The following TSHZ2 variants were observed in gnomAD, a reference collection of about 807,000 sequenced individuals.
TSHZ2 encodes teashirt zinc finger homeobox 2.
A neutral mutation model predicts 74.4 loss-of-function variants in TSHZ2; 21 were observed. The ratio of observed to expected loss-of-function variants is 0.28; its 90% CI spans 0.20 to 0.41. The LOEUF (loss-of-function observed/expected upper bound fraction) is 0.41. Among genes scored for constraint, TSHZ2 ranks in the 10% least tolerant of loss-of-function variants. TSHZ2 has a pLI of 1.00. For synonymous variants in TSHZ2, 540 were observed against 515.3 expected (o/e 1.05, Z -0.65); for missense variants, 1,244 against 1,293.5 (o/e 0.96, Z 0.59).
intron 1 of TSHZ2, among the ~76,000 whole-genome samples, chr20:52,996,429 G>T (rs979062011): frequency 1.1e-4 from 16 of 152,088 alleles, no homozygotes; most frequent in African/African-American, 3.9e-4. Flanking sequence ...TGTCAGGAAT[G>T]AAAGATGTGG....
chr20:53,399,498 T>G (rs1370164894), intron 2 of TSHZ2: 1 of 152,130 alleles, frequency 6.6e-6, no homozygotes, highest in Non-Finnish European at 1.5e-5. Flanking sequence ...CATCTGAAAC[T>G]TAGAGGAAGG....
intron 2 of TSHZ2, among the ~76,000 whole-genome samples, chr20:53,342,558 C>T (rs1429386570): frequency 2.0e-5 from 3 of 152,082 alleles, no homozygotes; most frequent in Non-Finnish European, 2.9e-5. Flanking sequence ...TGTTCTGTCT[C>T]AAGTACCCTG....
At chr20:53,454,474 A>G (rs1984965219) in intron 2 of TSHZ2, among the ~76,000 whole-genome samples, 1 of 152,036 alleles carries the variant, frequency 6.6e-6, no homozygotes, top group Admixed American at 6.6e-5. Context: ...AGACAGAAGA[A>G]TCACTTGAAC....
At chr20:53,106,274 C>T (rs767339247) in intron 1 of TSHZ2, among the ~76,000 whole-genome samples, 9 of 151,682 alleles carry the variant, frequency 5.9e-5, no homozygotes, top group Non-Finnish European at 1.0e-4. Context: ...CACCTTTTTA[C>T]TCGCTTTTAC....
chr20:53,202,770 G>C (rs1279326674), intron 1 of TSHZ2, among the ~76,000 whole-genome samples: 1 of 152,184 alleles, frequency 6.6e-6, no homozygotes, highest in African/African-American at 2.4e-5. Flanking sequence ...GTCAGGTTTA[G>C]CATTGGAAGC....
chr20:53,170,578 C>T (rs184153553), intron 1 of TSHZ2, among the ~76,000 whole-genome samples: 264 of 152,292 alleles, frequency 1.7e-3, no homozygotes, highest in African/African-American at 5.9e-3. Flanking sequence ...GCAGCATCCC[C>T]GGCCTCCACC....
intron 1 of TSHZ2, among the ~76,000 whole-genome samples, chr20:53,249,938 C>T (rs1214093632): frequency 6.6e-6 from 1 of 152,208 alleles, no homozygotes; most frequent in Non-Finnish European, 1.5e-5. Context: ...GCAGGAAGCT[C>T]ATTGTCCAAC....
At position 53,162,404 on chromosome 20, in the gene TSHZ2, C is replaced by G. The variant is rs1987962771; in HGVS notation, c.41-91095C>G. Among the ~76,000 whole-genome samples the G allele has an allele frequency of 3.3e-5, 5 of 152,298 alleles. No homozygotes were observed. The South Asian group carries it at 1.0e-3, about 32-fold the overall frequency. On this transcript the variant is annotated intron_variant, in intron 1 of 2. Transcript: ENST00000371497. ...ACAAAAGATCAAACACAAGCTTACT[C>G]CTTTCTATGCTGAGACGTTGCCCAC...
intron 1 of TSHZ2, among the ~76,000 whole-genome samples, chr20:53,038,884 T>TTTTGTTTG (rs3070069): frequency 0.07 from 10,031 of 144,186 alleles, 384 homozygotes; most frequent in African/African-American, 0.1. Context: ...GTTTGTTTTG[T>TTTTGTTTG]TTTGTTTGTT....
intron 1 of TSHZ2, among the ~76,000 whole-genome samples, chr20:52,992,584 A>G (rs1568709097): frequency 6.6e-6 from 1 of 152,174 alleles, no homozygotes; most frequent in Non-Finnish European, 1.5e-5. Context: ...TGCAGCCACA[A>G]ATGGAGAGAA....
intron 2 of TSHZ2, among the ~76,000 whole-genome samples, chr20:53,266,772 A>ATTTT (rs11344692): frequency 3.0e-5 from 3 of 98,766 alleles, no homozygotes; most frequent in Non-Finnish European, 3.9e-5. Context: ...CCGATCGACG[A>ATTTT]TTTTTTTTTT....
At chr20:53,359,287 T>G (rs1273204315) in intron 2 of TSHZ2, among the ~76,000 whole-genome samples, 2 of 152,316 alleles carry the variant, frequency 1.3e-5, no homozygotes, top group East Asian at 1.9e-4. Context: ...GGGCCAAACC[T>G]GTTCTGGCTC....
intron 1 of TSHZ2, among the ~76,000 whole-genome samples, chr20:53,054,093 G>A (rs187162405): frequency 1.3e-5 from 2 of 152,282 alleles, no homozygotes; most frequent in East Asian, 1.9e-4. Flanking sequence ...GGAGCGAATC[G>A]AGGAACGATG....
At chr20:53,121,907 T>C (rs112633931) in intron 1 of TSHZ2, among the ~76,000 whole-genome samples, 1,668 of 152,248 alleles carry the variant, frequency 0.011, 30 homozygotes, top group African/African-American at 0.038. Flanking sequence ...GATCGTCTAT[T>C]GATAGATGTT....
At chr20:53,251,230 C>T (rs900227417) in intron 1 of TSHZ2, among the ~76,000 whole-genome samples, 4 of 152,166 alleles carry the variant, frequency 2.6e-5, no homozygotes, top group Admixed American at 6.5e-5. Context: ...GTTGACCCAG[C>T]GTATGTTCCA....
At chr20:53,338,059 A>G (rs991014109) in intron 2 of TSHZ2, among the ~76,000 whole-genome samples, 7 of 152,222 alleles carry the variant, frequency 4.6e-5, no homozygotes, top group East Asian at 1.9e-4. Flanking sequence ...CCTCACCTGC[A>G]GAGCAGGGAC....
At chr20:53,183,386 G>A (rs994425017) in intron 1 of TSHZ2, among the ~76,000 whole-genome samples, 5 of 152,194 alleles carry the variant, frequency 3.3e-5, no homozygotes, top group African/African-American at 1.2e-4. Context: ...GCTCGGGTCA[G>A]TATTCATATT....
intron 2 of TSHZ2, among the ~76,000 whole-genome samples, chr20:53,350,543 T>C (rs1980609421): frequency 6.6e-6 from 1 of 152,232 alleles, no homozygotes; most frequent in South Asian, 2.1e-4. Flanking sequence ...TAAGTTTCAT[T>C]GTGACCTTGT....
intron 1 of TSHZ2, among the ~76,000 whole-genome samples, chr20:53,165,250 A>G (rs2123472858): frequency 6.6e-6 from 1 of 152,352 alleles, no homozygotes; most frequent in South Asian, 2.1e-4. Context: ...CAATCTTTGT[A>G]ACAGCCCAAA....
Sources: allele counts gnomAD v4.1 joint callset (sites outside exome capture counted in the v4.1 genomes callset), GRCh38; gene constraint gnomAD v4.1.1; transcripts MANE v1.5; gene names NCBI Gene and HGNC (gene_info 2026-07-23, HGNC 2026-07-21).